The following ZC3H4 variants were observed in gnomAD, a reference collection of about 807,000 sequenced individuals.
ZC3H4 encodes the protein zinc finger CCCH-type containing 4.
ZC3H4 carries 13 observed loss-of-function variants against 108.3 expected under a neutral mutation model. That is an observed-to-expected ratio of 0.12 (90% CI 0.08 to 0.19). The LOEUF is 0.19. Ranked by LOEUF, ZC3H4 falls within the 10% of genes least tolerant of loss-of-function variation. ZC3H4 has a pLI of 1.00. For synonymous variants in ZC3H4, 917 were observed against 749.6 expected (o/e 1.22, Z -3.65); for missense variants, 1,734 against 1,838.8 (o/e 0.94, Z 1.04).
intron 2 of ZC3H4, among the ~76,000 whole-genome samples, chr19:47,099,341 C>G (rs1018096135): frequency 1.3e-5 from 2 of 151,942 alleles, no homozygotes; most frequent in African/African-American, 2.4e-5. Flanking sequence ...CGCCTGTAAA[C>G]CCAGCTACTC....
chr19:47,104,518 TA>T (rs779872688), intron 2 of ZC3H4, among the ~76,000 whole-genome samples: 52 of 152,216 alleles, frequency 3.4e-4, no homozygotes, highest in Non-Finnish European at 6.6e-4. Flanking sequence ...TCAGCTCTCA[TA>T]CCCTTTTGGT....
At chr19:47,103,423 C>T (rs60893138) in intron 2 of ZC3H4, among the ~76,000 whole-genome samples, 1,687 of 152,252 alleles carry the variant, frequency 0.011, 21 homozygotes, top group African/African-American at 0.039. Flanking sequence ...CCCACGTCAG[C>T]CTCCCAAGTA....
At position 47,066,913 on chromosome 19, in the gene ZC3H4, C is replaced by T; in HGVS notation, c.3355G>A (p.Ala1119Thr). ...PSGDASPPATAPYDPRVLAAG... is the reference protein window; with the variant it reads ...PSGDASPPATTPYDPRVLAAG... ...GCCAGCACGCGGGGGTCGTAGGGAG[C>T]GGTGGCTGGTGGGGAGGCATCCCCA... is the stretch of plus-strand genomic sequence containing the variant. The change falls in exon 15 of 15, where the codon GCT (alanine) becomes ACT (threonine). Residue 1119 changes from alanine (A) to threonine (T), a missense_variant. Coordinates refer to ENST00000253048, the MANE Select transcript of ZC3H4 (RefSeq NM_015168.2). 7 of 1,596,226 alleles carry T rather than the reference C, an allele frequency of 4.4e-6. No homozygotes were observed. Among genetic ancestry groups the T allele is most frequent in the Non-Finnish European group, 6.0e-6 (7 of 1,175,970 alleles).
intron 6 of ZC3H4, among the ~76,000 whole-genome samples, 164 bp downstream of exon 6, chr19:47,086,220 A>G (rs2057618703): frequency 6.6e-6 from 1 of 152,170 alleles, no homozygotes; most frequent in African/African-American, 2.4e-5. Context: ...CAAAATGATA[A>G]ATGAATATTT....
rs371115381 is a variant in ZC3H4 at position 47,066,556 on chromosome 19, G to T, written c.3712C>A (p.Pro1238Thr). ...CCGGGCTGGGGTGGGGCACCCTCGG[G>T]GGGTGGGGTGGCGGTGGTGGCAGCG... The part of the protein sequence containing the change: ...APAATTATPP[P>T]EGAPPQPGVH... The change falls in exon 15 of 15, where the codon CCC becomes ACC. Residue 1238 changes from proline (P) to threonine (T), a missense_variant. By Grantham distance (38) the Pro-to-Thr change is conservative. Transcript: ENST00000253048. 171 of 1,576,208 alleles carry T rather than the reference G, an allele frequency of 1.1e-4. No individual in the cohort carries two copies. The highest frequency in any genetic ancestry group is 1.4e-4 in the Non-Finnish European group (166 of 1,161,076).
chr19:47,110,770 G>A (rs1157537775), intron 2 of ZC3H4: 1 of 448,728 alleles, frequency 2.2e-6, no homozygotes, highest in African/African-American at 2.1e-5. Context: ...CGAGGGCTTA[G>A]CGAACAGACC....
rs2058051758 is a variant in ZC3H4 at position 47,112,382 on chromosome 19, CT to C, written c.161+41del. On this transcript the variant is annotated intron_variant, in intron 2 of 14. Transcript: ENST00000253048. ...GCCCCCCTTCCTCCTCCTCCTCTTCCTCCCCCCGGGGACGCAGCCCCGGCCC... is the reference window on the plus strand; with the variant it reads ...GCCCCCCTTCCTCCTCCTCCTCTTCCCCCCCCGGGGACGCAGCCCCGGCCC... The C allele has an allele frequency of 3.2e-6, 4 of 1,231,070 alleles. No homozygotes were observed. In the South Asian group the frequency reaches 1.6e-4, roughly 50 times the overall value. 76.3% of individuals were successfully genotyped at this position (1,231,070 alleles called of 1,614,324 possible).
At position 47,093,781 on chromosome 19, in the gene ZC3H4, G is replaced by A; in HGVS notation, c.492+189C>T. 3 of 497,500 alleles carry A rather than the reference G, an allele frequency of 6.0e-6. No homozygotes were observed. In the South Asian group the frequency reaches 1.1e-4, roughly 17 times the overall value. The allele number at this position is 497,500 out of a possible 1,614,324, so 30.8% of individuals were successfully genotyped here. A position where few individuals can be genotyped will look rare whatever the true frequency, so the allele number is the denominator to read the frequency against. ...ATTTTTTGTGGGGTCTCACTTGGTT[G>A]TCTGGGCTGCCTTGTTGAAATTGTC... is the stretch of plus-strand genomic sequence containing the variant. On this transcript the variant is annotated intron_variant, in intron 4 of 14. Transcript: ENST00000253048.
intron 6 of ZC3H4, among the ~76,000 whole-genome samples, chr19:47,085,801 A>G (rs2057610195): frequency 6.6e-6 from 1 of 152,210 alleles, no homozygotes; most frequent in Non-Finnish European, 1.5e-5. Flanking sequence ...AAATGTCTCT[A>G]GAGGACTTTC....
At chr19:47,084,209 C>A (rs116978173) in intron 9 of ZC3H4, 136 bp downstream of exon 9, 2 of 780,588 alleles carry the variant, frequency 2.6e-6, no homozygotes, top group Non-Finnish European at 2.1e-6. Context: ...CTCCCAGTAT[C>A]GGCAAGTGTC....
rs563202783 is a variant in ZC3H4 at position 47,069,534 on chromosome 19, G to A, written c.2147-191C>T. Among the ~76,000 whole-genome samples, 4 of 152,302 alleles carry A rather than the reference G, an allele frequency of 2.6e-5. No individual in the cohort carries two copies. In the East Asian group the frequency reaches 7.7e-4, roughly 29 times the overall value. On this transcript the variant is annotated intron_variant, in intron 13 of 14. Coordinates refer to ENST00000253048, the MANE Select transcript of ZC3H4 (RefSeq NM_015168.2). ...GTAGCCCCGCCTACATGAAGAATGA[G>A]GTTCACAGAGAGGGTTGAGTGATGC...
intron 11 of ZC3H4, among the ~76,000 whole-genome samples, chr19:47,075,067 G>T (rs1397114000): frequency 6.6e-6 from 1 of 152,198 alleles, no homozygotes; most frequent in Non-Finnish European, 1.5e-5. Context: ...CCTGGTGGGG[G>T]TTGTGCATTC....
At chr19:47,084,705 A>T (rs2057585011) in intron 8 of ZC3H4, among the ~76,000 whole-genome samples, 1 of 152,208 alleles carries the variant, frequency 6.6e-6, no homozygotes, top group Non-Finnish European at 1.5e-5. Context: ...CAAGTTCCAC[A>T]CAACTGTGCA....
chr19:47,105,772 G>A (rs1392651774), intron 2 of ZC3H4, among the ~76,000 whole-genome samples: 9 of 152,178 alleles, frequency 5.9e-5, no homozygotes, highest in Admixed American at 5.9e-4. Flanking sequence ...AAAGTTTCCA[G>A]AAGCCACATT....
At chr19:47,079,747 C>T (rs1002332099) in intron 11 of ZC3H4, among the ~76,000 whole-genome samples, 6 of 152,226 alleles carry the variant, frequency 3.9e-5, no homozygotes, top group African/African-American at 1.2e-4. Flanking sequence ...AATAGCTGGG[C>T]GCAGCGGCAT....
chr19:47,096,930 A>C (rs775265445), intron 2 of ZC3H4: 2 of 985,310 alleles, frequency 2.0e-6, no homozygotes, highest in Non-Finnish European at 2.4e-6. Flanking sequence ...ACCGCGGCAC[A>C]GCAGGCGACA....
In ZC3H4 at chr19:47,064,932, TA is replaced by T. The variant is rs921573765; in HGVS notation, c.*1423del. ...GAAGGGGAATCCCTTGGCAGGTAAC[TA>T]GGTCTCTTCATGGTCAGCAATGAAG... On this transcript the variant is annotated 3_prime_UTR_variant, in exon 15 of 15. Transcript: ENST00000253048. 1 of 152,152 alleles carries T rather than the reference TA, an allele frequency of 6.6e-6. No individual in the cohort carries two copies. The highest frequency in any genetic ancestry group is 2.4e-5 in the African/African-American group (1 of 41,436). 9.4% of individuals were successfully genotyped at this position (152,152 alleles called of 1,614,324 possible). A position where few individuals can be genotyped will look rare whatever the true frequency, so the allele number is the denominator to read the frequency against.
At chr19:47,100,378 C>T (rs1395703675) in intron 2 of ZC3H4, among the ~76,000 whole-genome samples, 2 of 152,136 alleles carry the variant, frequency 1.3e-5, no homozygotes, top group African/African-American at 2.4e-5. Context: ...TCCTTTTCTT[C>T]AGCATTCTCA....
intron 5 of ZC3H4, among the ~76,000 whole-genome samples, chr19:47,087,855 CAG>C (rs2057659214): frequency 6.6e-6 from 1 of 152,016 alleles, no homozygotes; most frequent in African/African-American, 2.4e-5. Context: ...GCCTGAGCGA[CAG>C]AGTGAGACTC....
Sources: gnomAD v4.1 joint callset for allele counts (sites outside exome capture counted in the v4.1 genomes callset) on GRCh38, gnomAD v4.1.1 for gene constraint, MANE v1.5 for transcripts, NCBI Gene and HGNC (gene_info 2026-07-23, HGNC 2026-07-21) for gene names.